UNC5C: variants seen among roughly 807,000 people sequenced by gnomAD.
UNC5C encodes netrin receptor UNC5C.
Under a neutral mutation model 99.8 loss-of-function variants are expected in UNC5C, and 47 were observed. That is an observed-to-expected ratio of 0.47 (90% CI 0.37 to 0.60). The LOEUF is 0.60. Ranked by LOEUF, UNC5C falls within the 20% of genes least tolerant of loss-of-function variation. The pLI is 0.00. For synonymous variants in UNC5C, 487 were observed against 452.2 expected (o/e 1.08, Z -0.98); for missense variants, 1,062 against 1,165.9 (o/e 0.91, Z 1.30).
intron 1 of UNC5C, among the ~76,000 whole-genome samples, chr4:95,480,036 T>G (rs1206599210): frequency 6.6e-6 from 1 of 151,392 alleles, no homozygotes; most frequent in Non-Finnish European, 1.5e-5. Flanking sequence ...AGACTGGAAA[T>G]TACACCTCGG....
chr4:95,329,623 A>C, intron 2 of UNC5C, among the ~76,000 whole-genome samples: 1 of 152,204 alleles, frequency 6.6e-6, no homozygotes, highest in African/African-American at 2.4e-5. Flanking sequence ...ATCTTGTTAT[A>C]TCAACAACTC....
intron 1 of UNC5C, among the ~76,000 whole-genome samples, chr4:95,404,896 C>T (rs371784306): frequency 1.3e-5 from 2 of 152,086 alleles, no homozygotes; most frequent in East Asian, 1.9e-4. Flanking sequence ...AAGATCTGAA[C>T]GCCGAGAGGA....
chr4:95,401,304 T>A (rs1443849766), intron 1 of UNC5C, among the ~76,000 whole-genome samples: 2 of 152,046 alleles, frequency 1.3e-5, no homozygotes, highest in Non-Finnish European at 2.9e-5. Flanking sequence ...TATTTTTATT[T>A]TTTTATTTTT....
intron 1 of UNC5C, among the ~76,000 whole-genome samples, chr4:95,397,442 T>G (rs1039959933): frequency 6.6e-6 from 1 of 152,160 alleles, no homozygotes; most frequent in East Asian, 1.9e-4. Context: ...AAGAAAACAC[T>G]CAGGCATCTA....
At chr4:95,467,441 C>A (rs1476723918) in intron 1 of UNC5C, among the ~76,000 whole-genome samples, 1 of 152,128 alleles carries the variant, frequency 6.6e-6, no homozygotes, top group African/African-American at 2.4e-5. Context: ...CTGGGAGAAG[C>A]AGGCACAACC....
At chr4:95,280,656 T>G (rs1048072850) in intron 3 of UNC5C, among the ~76,000 whole-genome samples, 22 of 151,664 alleles carry the variant, frequency 1.5e-4, no homozygotes, top group Admixed American at 7.2e-4. Context: ...ACCACTGTAC[T>G]CCAGCCTGGG....
intron 1 of UNC5C, among the ~76,000 whole-genome samples, chr4:95,466,679 G>A (rs1419359093): frequency 8.6e-5 from 13 of 150,630 alleles, no homozygotes; most frequent in African/African-American, 2.7e-4. Flanking sequence ...GGGTGAATAC[G>A]AGAAAAAAAA....
At chr4:95,441,336 C>T (rs1404821371) in intron 1 of UNC5C, among the ~76,000 whole-genome samples, 1 of 152,156 alleles carries the variant, frequency 6.6e-6, no homozygotes. Context: ...AAATGAACTT[C>T]AAATGAATGC....
At chr4:95,509,206 GT>G (rs1028536423) in intron 1 of UNC5C, among the ~76,000 whole-genome samples, 13 of 151,566 alleles carry the variant, frequency 8.6e-5, no homozygotes, top group Non-Finnish European at 1.5e-4. Context: ...TTTTTTTGTA[GT>G]TTTTTTCTAG....
chr4:95,188,847 T>A (rs1158707086), intron 12 of UNC5C, among the ~76,000 whole-genome samples: 1 of 152,188 alleles, frequency 6.6e-6, no homozygotes, highest in Non-Finnish European at 1.5e-5. Flanking sequence ...TAAGTCCCTG[T>A]CACTGCTTTA....
Position 95,544,691 on chromosome 4 carries a change from A to G in UNC5C, c.124+4043T>C, listed in dbSNP as rs566287248. Among the ~76,000 whole-genome samples the G allele has an allele frequency of 7.0e-4, 107 of 152,320 alleles. 1 individual carries two copies. The highest frequency in any genetic ancestry group is 2.5e-3 in the African/African-American group (104 of 41,564). ...TTACTTCTAATACCATACTCTATCC[A>G]TAGAAGCCATTGTTTCTAATTTGTG... On this transcript the variant is annotated intron_variant, in intron 1 of 15. Coordinates refer to ENST00000453304, the MANE Select transcript of UNC5C (RefSeq NM_003728.4).
At chr4:95,279,820 G>T (rs1740988622) in intron 3 of UNC5C, among the ~76,000 whole-genome samples, 1 of 152,090 alleles carries the variant, frequency 6.6e-6, no homozygotes, top group Non-Finnish European at 1.5e-5. Context: ...TTGACACTAG[G>T]GACTGGTTTC....
intron 2 of UNC5C, among the ~76,000 whole-genome samples, chr4:95,303,367 T>C (rs1188092390): frequency 2.0e-5 from 3 of 152,158 alleles, no homozygotes; most frequent in Non-Finnish European, 4.4e-5. Flanking sequence ...ACTACTCACA[T>C]CTACAATGTT....
intron 1 of UNC5C, among the ~76,000 whole-genome samples, chr4:95,434,097 T>A (rs1168833749): frequency 6.6e-6 from 1 of 152,144 alleles, no homozygotes; most frequent in East Asian, 1.9e-4. Flanking sequence ...AATGTCTGTG[T>A]GCTTTGTTAG....
chr4:95,503,931 A>G (rs1028187204), intron 1 of UNC5C, among the ~76,000 whole-genome samples: 1 of 152,034 alleles, frequency 6.6e-6, no homozygotes, highest in Admixed American at 6.6e-5. Context: ...ATTCTATGGC[A>G]TTTTCTTCTC....
rs547894446 is a variant in UNC5C at position 95,236,280 on chromosome 4, G to C, written c.1108+6149C>G. Among the ~76,000 whole-genome samples the C allele has an allele frequency of 3.9e-5, 6 of 152,252 alleles. 1 individual carries two copies. In the South Asian group the frequency reaches 1.0e-3, roughly 26 times the overall value. Reference sequence around the variant, plus strand: ...TAAAAAGGATGAGTTCATGTCCTTTGTAGGGACATGGATGAAGCTGGAAAC... The same window carrying C: ...TAAAAAGGATGAGTTCATGTCCTTTCTAGGGACATGGATGAAGCTGGAAAC... On this transcript the variant is annotated intron_variant, in intron 7 of 15. Transcript: ENST00000453304.
At chr4:95,324,358 T>A (rs1400675615) in intron 2 of UNC5C, among the ~76,000 whole-genome samples, 2 of 152,206 alleles carry the variant, frequency 1.3e-5, no homozygotes, top group African/African-American at 4.8e-5. Flanking sequence ...CAGATAGGAC[T>A]GTTGCAGAAA....
intron 1 of UNC5C, among the ~76,000 whole-genome samples, chr4:95,341,525 GA>G (rs1034746716): frequency 1.4e-4 from 20 of 140,184 alleles, no homozygotes; most frequent in African/African-American, 4.5e-4. Flanking sequence ...AAGAAAGAAA[GA>G]AAAAAAGAAA....
chr4:95,259,710 CAT>C (rs1405063737), intron 4 of UNC5C, among the ~76,000 whole-genome samples: 1 of 151,706 alleles, frequency 6.6e-6, no homozygotes, highest in Non-Finnish European at 1.5e-5. Context: ...TATAAGAAAA[CAT>C]TATCAGTTTT....
Sources: allele counts gnomAD v4.1 joint callset (sites outside exome capture counted in the v4.1 genomes callset), GRCh38; gene constraint gnomAD v4.1.1; transcripts MANE v1.5; gene names NCBI Gene and HGNC (gene_info 2026-07-23, HGNC 2026-07-21).